TNNI3K: variants seen among roughly 807,000 people sequenced by gnomAD.
The protein encoded by TNNI3K is serine/threonine-protein kinase TNNI3K.
TNNI3K carries 140 observed loss-of-function variants against 114.5 expected under a neutral mutation model. The ratio of observed to expected loss-of-function variants is 1.22; its 90% CI spans 1.07 to 1.41. The LOEUF is 1.41. Among genes scored for constraint, TNNI3K ranks in the 40% most tolerant of loss-of-function variants. The pLI, the probability that TNNI3K is intolerant of heterozygous loss-of-function variation, is 0.00. For synonymous variants in TNNI3K, 347 were observed against 347.5 expected (o/e 1.00, Z 0.02); for missense variants, 1,125 against 1,007.6 (o/e 1.12, Z -1.58).
At chr1:74,441,218 T>G (rs1414595448) in intron 20 of TNNI3K, among the ~76,000 whole-genome samples, 1 of 152,114 alleles carries the variant, frequency 6.6e-6, no homozygotes, top group Non-Finnish European at 1.5e-5. Context: ...CTCCAAAAAG[T>G]TCCCAGTGCC....
rs546755166 is a variant in TNNI3K at position 74,451,689 on chromosome 1, T to A, written c.2012-11752T>A. ...TTTCTTTTCTTTTCTTTTCTTTTCT[T>A]TCTTTCTTTCTTTCTTTCTTTCTTT... On this transcript the variant is annotated intron_variant, in intron 20 of 24. Transcript: ENST00000326637. Among the ~76,000 whole-genome samples, 649 of 65,134 alleles carry A rather than the reference T, an allele frequency of 1.0e-2. 7 individuals are homozygous for A. Among genetic ancestry groups the A allele is most frequent in the African/African-American group, 0.037 (621 of 16,890 alleles). 42.7% of individuals were successfully genotyped at this position (65,134 alleles called of 152,430 possible). A position where few individuals can be genotyped will look rare whatever the true frequency, so the allele number is the denominator to read the frequency against.
At position 74,354,061 on chromosome 1, in the gene TNNI3K, C is replaced by T. The variant is rs1305754800; in HGVS notation, c.1109C>T (p.Ala370Val). 1.2e-6 allele frequency: 2 copies of T among 1,614,016 alleles called. No individual in the cohort carries two copies. Among genetic ancestry groups the T allele is most frequent in the Non-Finnish European group, 1.7e-6 (2 of 1,179,998 alleles). ...LDNGADMNLV[A>V]CDPSRSSGEK... ...AATGGAGCTGATATGAATCTAGTGG[C>T]TTGTGATCCCAGCAGGTCTAGTGGT... The change falls in exon 11 of 25, where the codon GCT becomes GTT. Residue 370 changes from alanine (A) to valine (V), a missense_variant. Ala to Val is a moderately conservative substitution (Grantham distance 64). Coordinates refer to ENST00000326637, the MANE Select transcript of TNNI3K (RefSeq NM_015978.3).
At chr1:74,332,246 C>A (rs932891591) in intron 6 of TNNI3K, among the ~76,000 whole-genome samples, 8 of 151,516 alleles carry the variant, frequency 5.3e-5, no homozygotes, top group African/African-American at 1.9e-4. Context: ...TATGATAGAA[C>A]CTTTATCTTT....
intron 17 of TNNI3K, among the ~76,000 whole-genome samples, chr1:74,388,123 CAA>C (rs527596277): frequency 1.4e-3 from 220 of 152,128 alleles, no homozygotes; most frequent in Non-Finnish European, 2.6e-3. Context: ...ACTAGAAACA[CAA>C]AGAGTAGCCA....
Position 74,369,559 on chromosome 1 carries a change from G to C in TNNI3K, c.1641G>C (p.Leu547=). 6.2e-7 allele frequency: 1 copy of C among 1,610,124 alleles called. No individual in the cohort carries two copies. The highest frequency in any genetic ancestry group is 8.5e-7 in the Non-Finnish European group (1 of 1,178,156). ...IVTQYISGGS[L]FSLLHEQKRI... is the part of the protein sequence containing the mutation. ...CTCAATACATATCAGGGGGTTCTCT[G>C]TTCTCCCTCCTTCATGAGCAGAAGA... is the stretch of plus-strand genomic sequence containing the variant. The change falls in exon 16 of 25, where the codon CTG becomes CTC. Residue 547 remains leucine (L), a synonymous_variant. Transcript: ENST00000326637.
At chr1:74,295,272 A>G (rs1181360869) in intron 5 of TNNI3K, among the ~76,000 whole-genome samples, 1 of 152,126 alleles carries the variant, frequency 6.6e-6, no homozygotes, top group Non-Finnish European at 1.5e-5. Context: ...GGCTTGCTTT[A>G]TGACCAAGCA....
Position 74,449,264 on chromosome 1 carries a change from G to C in TNNI3K, c.2011+9642G>C, listed in dbSNP as rs1227561817. Among the ~76,000 whole-genome samples the C allele has an allele frequency of 3.3e-3, 500 of 151,868 alleles. 3 individuals carry two copies. Among genetic ancestry groups the C allele is most frequent in the African/African-American group, 0.012 (491 of 41,412 alleles). The stretch of plus-strand genomic sequence containing the variant: ...GTTTATTTGCGTAGAGGTGTTTGTA[G>C]TATTCTCTGATGGTAGTTTGTATTT... On this transcript the variant is annotated intron_variant, in intron 20 of 24. Coordinates refer to ENST00000326637, the MANE Select transcript of TNNI3K (RefSeq NM_015978.3).
At chr1:74,384,519 A>G (rs559884512) in intron 17 of TNNI3K, among the ~76,000 whole-genome samples, 26 of 152,254 alleles carry the variant, frequency 1.7e-4, no homozygotes, top group African/African-American at 6.3e-4. Flanking sequence ...TTGAACCAAT[A>G]CTTGCTTTTT....
chr1:74,453,412 G>A (rs1667106253), intron 20 of TNNI3K, among the ~76,000 whole-genome samples: 1 of 152,150 alleles, frequency 6.6e-6, no homozygotes, highest in Non-Finnish European at 1.5e-5. Flanking sequence ...AATAAATTAT[G>A]TGAAGCATCA....
At chr1:74,438,052 C>A (rs1486746854) in intron 19 of TNNI3K, among the ~76,000 whole-genome samples, 1 of 151,384 alleles carries the variant, frequency 6.6e-6, no homozygotes, top group South Asian at 2.1e-4. Flanking sequence ...TAAATTAGTG[C>A]TAATAAATAA....
At chr1:74,375,474 G>A (rs375721448) in intron 17 of TNNI3K, 9 of 432,856 alleles carry the variant, frequency 2.1e-5, no homozygotes, top group African/African-American at 1.8e-4. Context: ...TCACATAGCT[G>A]GAGACTGAAA....
At chr1:74,314,950 C>G (rs1207779272) in intron 5 of TNNI3K, among the ~76,000 whole-genome samples, 1 of 152,110 alleles carries the variant, frequency 6.6e-6, no homozygotes, top group East Asian at 1.9e-4. Context: ...GTTTCTACCT[C>G]ACTCCCTGCC....
At chr1:74,503,262 A>G (rs1009885698) in intron 23 of TNNI3K, among the ~76,000 whole-genome samples, 1 of 152,222 alleles carries the variant, frequency 6.6e-6, no homozygotes, top group Non-Finnish European at 1.5e-5. Context: ...GGGAATCAGC[A>G]TCTTTTAGCT....
chr1:74,460,333 T>A (rs1332657529), intron 20 of TNNI3K, among the ~76,000 whole-genome samples: 2 of 152,202 alleles, frequency 1.3e-5, no homozygotes, highest in African/African-American at 4.8e-5. Context: ...CCCAAAGTGC[T>A]GGGATTACAA....
chr1:74,532,697 G>T (rs1388121016), intron 23 of TNNI3K, among the ~76,000 whole-genome samples: 2 of 151,618 alleles, frequency 1.3e-5, no homozygotes, highest in Admixed American at 6.6e-5. Flanking sequence ...AAACAGCATG[G>T]TACTGGTACC....
At chr1:74,360,797 T>G (rs962090051) in intron 11 of TNNI3K, among the ~76,000 whole-genome samples, 2 of 152,092 alleles carry the variant, frequency 1.3e-5, no homozygotes, top group African/African-American at 4.8e-5. Context: ...TTCTTTATAT[T>G]TTATTTTGTT....
intron 20 of TNNI3K, among the ~76,000 whole-genome samples, chr1:74,440,088 A>G (rs1026225989): frequency 8.6e-5 from 13 of 152,010 alleles, no homozygotes; most frequent in African/African-American, 2.7e-4. Flanking sequence ...ACGTTTTTGT[A>G]TTATATGCAT....
chr1:74,475,626 C>G (rs1368851365), intron 21 of TNNI3K: 3 of 717,090 alleles, frequency 4.2e-6, no homozygotes, highest in Non-Finnish European at 7.8e-6. Flanking sequence ...TGACCTTTAT[C>G]TCGTTTTCCT....
intron 20 of TNNI3K, among the ~76,000 whole-genome samples, chr1:74,453,724 C>A (rs1182960007): frequency 1.3e-5 from 2 of 152,084 alleles, no homozygotes; most frequent in Admixed American, 1.3e-4. Context: ...TCACATCCAC[C>A]ACCTTAAAGG....
Sources: gnomAD v4.1 joint callset for allele counts (sites outside exome capture counted in the v4.1 genomes callset) on GRCh38, gnomAD v4.1.1 for gene constraint, MANE v1.5 for transcripts, NCBI Gene and HGNC (gene_info 2026-07-23, HGNC 2026-07-21) for gene names.